The following HYDIN variants were observed in gnomAD, a reference collection of about 807,000 sequenced individuals.
HYDIN encodes HYDIN axonemal central pair apparatus protein.
A neutral mutation model predicts 403.9 loss-of-function variants in HYDIN; 132 were observed. The observed-to-expected ratio is 0.33, with a 90% confidence interval of 0.28 to 0.38. The LOEUF (loss-of-function observed/expected upper bound fraction) is 0.38. Ranked by LOEUF, HYDIN falls within the 10% of genes least tolerant of loss-of-function variation. HYDIN has a pLI of 1.00. For missense variants in HYDIN, 2,827 were observed against 5,009.5 expected, an observed-to-expected ratio of 0.56 and a Z score of 13.15; for synonymous variants, 1,202 against 1,891.7, an observed-to-expected ratio of 0.64 and a Z score of 9.46.
At chr16:71,072,419 T>C (rs1286443071) in intron 13 of HYDIN, among the ~76,000 whole-genome samples, 1 of 152,198 alleles carries the variant, frequency 6.6e-6, no homozygotes, top group Non-Finnish European at 1.5e-5. Flanking sequence ...AGCCCTTCTG[T>C]ACAGAAAGAC....
In HYDIN at chr16:70,807,499, G is replaced by T; in HGVS notation, c.*81C>A. Reference sequence around the variant, plus strand: ...GAGAAGAATAAAAACAGTTCCTTTAGAATTCTTATTGTTTTCTCTATTCTT... The same window carrying T: ...GAGAAGAATAAAAACAGTTCCTTTATAATTCTTATTGTTTTCTCTATTCTT... On this transcript the variant is annotated 3_prime_UTR_variant, in exon 86 of 86. Transcript: ENST00000393567. The T allele has an allele frequency of 6.9e-7, 1 of 1,448,200 alleles. No homozygotes were observed. The highest frequency in any genetic ancestry group is 2.3e-5 in the East Asian group (1 of 43,770). The allele number at this position is 1,448,200 out of a possible 1,614,324, so 89.7% of individuals were successfully genotyped here. A position where few individuals can be genotyped will look rare whatever the true frequency, so the allele number is the denominator to read the frequency against.
At chr16:70,945,050 G>A (rs2077808967) in intron 41 of HYDIN, among the ~76,000 whole-genome samples, 1 of 152,222 alleles carries the variant, frequency 6.6e-6, no homozygotes, top group South Asian at 2.1e-4. Flanking sequence ...ATTGCACCCA[G>A]CCTGATTTTT....
chr16:70,884,074 A>T lies in HYDIN; in HGVS notation c.9825T>A (p.Ile3275=). The stretch of plus-strand genomic sequence containing the variant: ...TGATGACCTGCTGTCCTCCGGAAGG[A>T]ATGGAGCCAAACCCAGGGTACACGG... ...MFTVYPGFGS[I]PSGGQQVINV... Residue 3275 remains isoleucine, a synonymous_variant, in exon 59 of 86, where the codon ATT becomes ATA. Transcript: ENST00000393567. The T allele has an allele frequency of 6.2e-7, 1 of 1,611,896 alleles. No individual in the cohort carries two copies. The highest frequency in any genetic ancestry group is 8.5e-7 in the Non-Finnish European group (1 of 1,179,122).
chr16:71,214,577 T>C (rs1438140922), intron 1 of HYDIN, among the ~76,000 whole-genome samples: 1 of 152,208 alleles, frequency 6.6e-6, no homozygotes, highest in Non-Finnish European at 1.5e-5. Flanking sequence ...ATTTCACTTT[T>C]TCTGTCCTTG....
At chr16:70,991,154 G>A in intron 25 of HYDIN, 164 bp downstream of exon 25, 1 of 965,322 alleles carries the variant, frequency 1.0e-6, no homozygotes, top group East Asian at 2.8e-5. Flanking sequence ...CTCACTGAGT[G>A]TTGGCTCTGG....
intron 67 of HYDIN, 42 bp from the exon 68 acceptor site, chr16:70,863,224 G>T: frequency 6.3e-7 from 1 of 1,592,370 alleles, no homozygotes; most frequent in Non-Finnish European, 8.5e-7. Context: ...ATGTGCTGCA[G>T]GTGGTTTTGG....
intron 1 of HYDIN, among the ~76,000 whole-genome samples, chr16:71,227,679 G>C (rs1194893753): frequency 6.6e-6 from 1 of 152,160 alleles, no homozygotes; most frequent in African/African-American, 2.4e-5. Context: ...ACAAATGGAA[G>C]AACATTCCAT....
chr16:71,194,157 A>G (rs182030116), intron 1 of HYDIN, among the ~76,000 whole-genome samples: 3 of 152,338 alleles, frequency 2.0e-5, no homozygotes, highest in East Asian at 1.9e-4. Context: ...TCGCGCCTGT[A>G]ATCCCAGCAC....
At chr16:70,921,727 G>A (rs1597326886) in intron 45 of HYDIN, among the ~76,000 whole-genome samples, 1 of 152,186 alleles carries the variant, frequency 6.6e-6, no homozygotes, top group Non-Finnish European at 1.5e-5. Context: ...ATGTGTGAAT[G>A]CATGTAAAAA....
chr16:71,019,828 T>TA (rs1252143335), intron 22 of HYDIN, among the ~76,000 whole-genome samples: 3 of 152,264 alleles, frequency 2.0e-5, no homozygotes, highest in Non-Finnish European at 2.9e-5. Context: ...CATTATTTTC[T>TA]AAAAAACACC....
chr16:71,209,241 T>C (rs2088458727), intron 1 of HYDIN, among the ~76,000 whole-genome samples: 1 of 150,612 alleles, frequency 6.6e-6, no homozygotes, highest in Admixed American at 6.7e-5. Flanking sequence ...TGGTTCAACA[T>C]ATGCAAATCA....
chr16:71,032,003 G>C (rs2080930661), intron 18 of HYDIN, 86 bp from the exon 19 acceptor site: 1 of 707,278 alleles, frequency 1.4e-6, no homozygotes, highest in Non-Finnish European at 2.4e-6. Flanking sequence ...CTTCAAATGG[G>C]TGGCATTGTG....
chr16:71,090,653 C>G (rs904077810), intron 11 of HYDIN, among the ~76,000 whole-genome samples: 2 of 141,890 alleles, frequency 1.4e-5, no homozygotes, highest in Non-Finnish European at 1.5e-5. Context: ...GTATGTGCCA[C>G]CACACCCAAC....
chr16:71,134,213 G>C (rs1196276840), intron 8 of HYDIN, among the ~76,000 whole-genome samples: 1 of 152,036 alleles, frequency 6.6e-6, no homozygotes, highest in Non-Finnish European at 1.5e-5. Flanking sequence ...GAAGCTATTA[G>C]CATTATTGAA....
rs536493829 is a variant in HYDIN, at chr16:70,982,159, T to C, written c.4333-591A>G. On this transcript the variant is annotated intron_variant, in intron 28 of 85. Transcript: ENST00000393567. ...AAAAAAAAGAAAAAAAAAAGAAAAA[T>C]CGTTCATAAATATATAGTAAAATAG... Among the ~76,000 whole-genome samples, 22 of 145,234 alleles carry C rather than the reference T, an allele frequency of 1.5e-4. No individual in the cohort carries two copies. The South Asian group carries it at 4.7e-3, about 31-fold the overall frequency.
chr16:71,062,719 G>A (rs1184245791), intron 16 of HYDIN: 2 of 154,322 alleles, frequency 1.3e-5, no homozygotes. Context: ...AATAGAGGCT[G>A]CTGGTGTTTC....
At chr16:70,968,644 C>A (rs2078653726) in intron 36 of HYDIN, among the ~76,000 whole-genome samples, 1 of 151,978 alleles carries the variant, frequency 6.6e-6, no homozygotes, top group African/African-American at 2.4e-5. Context: ...GGCAGTGCCC[C>A]CTTCTCCTTG....
At chr16:71,112,523 A>T (rs1406998780) in intron 10 of HYDIN, among the ~76,000 whole-genome samples, 5 of 152,112 alleles carry the variant, frequency 3.3e-5, no homozygotes, top group Admixed American at 3.3e-4. Context: ...AAAGCTGTAC[A>T]AAAGAGTCAG....
In HYDIN at chr16:71,159,613, G is replaced by C. The variant is rs1245766306; in HGVS notation, c.716+2918C>G. On this transcript the variant is annotated intron_variant, in intron 6 of 85. Coordinates refer to ENST00000393567, the MANE Select transcript of HYDIN (RefSeq NM_001270974.2). ...AAAACATAAACAAAACTTACACCTAGACACATCATTTCCAAACTGCAAAAA... is the reference window on the plus strand; with the variant it reads ...AAAACATAAACAAAACTTACACCTACACACATCATTTCCAAACTGCAAAAA... 1.3e-4 allele frequency among the ~76,000 whole-genome samples: 13 copies of C among 101,844 alleles called. 1 individual carries two copies. Among genetic ancestry groups the C allele is most frequent in the African/African-American group, 4.7e-4 (12 of 25,350 alleles). The allele number at this position is 101,844 out of a possible 152,430, so 66.8% of individuals were successfully genotyped here.
Sources: allele counts gnomAD v4.1 joint callset (sites outside exome capture counted in the v4.1 genomes callset), GRCh38; gene constraint gnomAD v4.1.1; transcripts MANE v1.5; gene names NCBI Gene and HGNC (gene_info 2026-07-23, HGNC 2026-07-21).